VPS13C: variants seen among roughly 807,000 people sequenced by gnomAD.
VPS13C encodes the protein intermembrane lipid transfer protein VPS13C.
VPS13C carries 358 observed loss-of-function variants against 456.8 expected under a neutral mutation model. The observed-to-expected ratio is 0.78, with a 90% CI of 0.72 to 0.86. VPS13C has a LOEUF of 0.86. Among genes scored for constraint, VPS13C ranks in the 40% least tolerant of loss-of-function variants. The probability of loss-of-function intolerance (pLI) is 0.00; values close to 1 mark genes in which losing one functional copy is unlikely to be tolerated. For synonymous variants in VPS13C, 1,578 were observed against 1,486.7 expected (o/e 1.06, Z -1.41); for missense variants, 4,818 against 4,385.4 (o/e 1.10, Z -2.79).
rs776985058 is a variant in VPS13C, at chr15:61,966,157, A to C, written c.2992-15T>G. 1.1e-5 allele frequency: 17 copies of C among 1,592,012 alleles called. No homozygotes were observed. Among genetic ancestry groups the C allele is most frequent in the South Asian group, 2.3e-5 (2 of 87,054 alleles). On this transcript the variant is annotated splice_polypyrimidine_tract_variant and intron_variant, in intron 29 of 84. Transcript: ENST00000644861. Reference sequence around the variant, plus strand: ...TTCTTATCAGCCTGAAAAAAGAAGTAAAAGTTCTAAAGAAGGTACTAGGAT... The same window carrying C: ...TTCTTATCAGCCTGAAAAAAGAAGTCAAAGTTCTAAAGAAGGTACTAGGAT...
intron 3 of VPS13C, among the ~76,000 whole-genome samples, chr15:62,038,735 C>A (rs1437006304): frequency 6.6e-6 from 1 of 151,966 alleles, no homozygotes; most frequent in Non-Finnish European, 1.5e-5. Flanking sequence ...CCAGAATCTA[C>A]AAGGAACTCA....
intron 1 of VPS13C, among the ~76,000 whole-genome samples, chr15:62,049,684 A>T (rs2048555198): frequency 6.6e-6 from 1 of 152,162 alleles, no homozygotes; most frequent in Non-Finnish European, 1.5e-5. Flanking sequence ...ACTATAAATT[A>T]CCTTGGGCAG....
chr15:61,958,615 T>C lies in VPS13C; in HGVS notation c.4158A>G (p.Gln1386=). The C allele has an allele frequency of 3.8e-6, 6 of 1,564,222 alleles. No homozygotes were observed. The highest frequency in any genetic ancestry group is 5.2e-6 in the Non-Finnish European group (6 of 1,153,980). The change falls in exon 37 of 85, where the codon CAA becomes CAG. Residue 1386 remains glutamine, a synonymous_variant. Transcript: ENST00000644861. ...TTACTGTCAGCCTCTTACCTGTCTC[T>C]TGTACTCTTGGTTTCACTTTATCCA... The part of the protein sequence containing the change: ...EDLDKVKPRV[Q]ETGEIKEPLE...
At chr15:61,902,303 T>TA (rs35632772) in intron 66 of VPS13C, among the ~76,000 whole-genome samples, 77,980 of 148,142 alleles carry the variant, frequency 0.53, 20,881 homozygotes, top group Admixed American at 0.61. Flanking sequence ...TAAAAGTGTT[T>TA]AAAAAAAAAT....
chr15:62,019,458 T>C (rs186856866), intron 9 of VPS13C, among the ~76,000 whole-genome samples: 2 of 152,038 alleles, frequency 1.3e-5, no homozygotes, highest in African/African-American at 4.8e-5. Context: ...ACACTGCTTT[T>C]AATGTGTCCC....
chr15:61,909,175 CT>C, intron 64 of VPS13C, 50 bp from the exon 65 acceptor site: 1 of 1,593,752 alleles, frequency 6.3e-7, no homozygotes, highest in South Asian at 1.1e-5. Context: ...TTAATCTACA[CT>C]TACATATGGA....
intron 5 of VPS13C, among the ~76,000 whole-genome samples, chr15:62,031,932 C>T (rs2047833618): frequency 6.6e-6 from 1 of 151,734 alleles, no homozygotes; most frequent in Admixed American, 6.6e-5. Flanking sequence ...CTATATACCA[C>T]GACTTTTCTT....
intron 24 of VPS13C, among the ~76,000 whole-genome samples, chr15:61,974,813 C>T (rs2045655917): frequency 6.6e-6 from 1 of 152,150 alleles, no homozygotes. Flanking sequence ...TAGCACTTGG[C>T]AGCACCTGAC....
intron 48 of VPS13C, 103 bp downstream of exon 48, chr15:61,936,494 T>C: frequency 2.6e-6 from 3 of 1,160,892 alleles, no homozygotes; most frequent in Non-Finnish European, 1.1e-6. Context: ...CAATACTGAA[T>C]TAGTTCATAC....
rs548532612 is a variant in VPS13C at position 62,017,796 on chromosome 15, A to G, written c.684+2683T>C. Among the ~76,000 whole-genome samples, 857 of 152,252 alleles carry G rather than the reference A, an allele frequency of 5.6e-3. 9 individuals are homozygous for G. Among genetic ancestry groups the G allele is most frequent in the Middle Eastern group, 0.014 (4 of 294 alleles). On this transcript the variant is annotated intron_variant, in intron 9 of 84. Coordinates refer to ENST00000644861, the MANE Select transcript of VPS13C (RefSeq NM_020821.3). ...TCTTTTTTGGTTCCATACGAACTTT[A>G]AAGTAGTTTTTTCCAATTCTGTGAA...
chr15:61,992,167 A>C (rs2046243204), intron 16 of VPS13C, among the ~76,000 whole-genome samples: 1 of 152,180 alleles, frequency 6.6e-6, no homozygotes, highest in African/African-American at 2.4e-5. Flanking sequence ...AAGGAAACAC[A>C]CCCAAAAAAG....
At chr15:62,019,855 G>A (rs1054218143) in intron 9 of VPS13C, among the ~76,000 whole-genome samples, 13 of 151,182 alleles carry the variant, frequency 8.6e-5, no homozygotes, top group African/African-American at 2.9e-4. Context: ...AACTTTAAAA[G>A]TATCTAAGTG....
At chr15:61,942,328 G>C (rs2044457281) in intron 45 of VPS13C, among the ~76,000 whole-genome samples, 1 of 150,818 alleles carries the variant, frequency 6.6e-6, no homozygotes, top group South Asian at 2.1e-4. Context: ...TAAAATAATT[G>C]AGAATTATTT....
At chr15:61,894,320 AG>A (rs1223088082) in intron 66 of VPS13C, among the ~76,000 whole-genome samples, 2 of 150,584 alleles carry the variant, frequency 1.3e-5, no homozygotes, top group Non-Finnish European at 2.9e-5. Context: ...AACAAAAAGC[AG>A]AAAAAAAAAA....
intron 3 of VPS13C, among the ~76,000 whole-genome samples, chr15:62,038,756 C>G (rs2048146379): frequency 6.6e-6 from 1 of 151,648 alleles, no homozygotes; most frequent in African/African-American, 2.4e-5. Flanking sequence ...AACAACTGAA[C>G]AAGAAAAAAA....
intron 27 of VPS13C, among the ~76,000 whole-genome samples, chr15:61,972,128 T>TA (rs1555431584): frequency 6.6e-6 from 1 of 152,196 alleles, no homozygotes; most frequent in Non-Finnish European, 1.5e-5. Flanking sequence ...TCTTTGGTAT[T>TA]ATAATCTTTT....
At chr15:62,033,372 C>T (rs1293437146) in intron 5 of VPS13C, 69 bp downstream of exon 5, 29 of 970,646 alleles carry the variant, frequency 3.0e-5, no homozygotes, top group Non-Finnish European at 4.0e-5. Flanking sequence ...CAAAAGCATC[C>T]TCTTTAAAGG....
chr15:61,881,152 C>T (rs1895821260), intron 71 of VPS13C, among the ~76,000 whole-genome samples, 198 bp from the exon 72 acceptor site: 1 of 152,042 alleles, frequency 6.6e-6, no homozygotes, highest in Non-Finnish European at 1.5e-5. Flanking sequence ...AATACTGCTG[C>T]ATTAACACTT....
chr15:61,872,813 T>C (rs894689703), intron 78 of VPS13C, among the ~76,000 whole-genome samples: 2 of 152,088 alleles, frequency 1.3e-5, no homozygotes, highest in African/African-American at 4.8e-5. Flanking sequence ...ACCTATATAA[T>C]TAAGCAGTAT....
Sources: allele counts gnomAD v4.1 joint callset (sites outside exome capture counted in the v4.1 genomes callset), GRCh38; gene constraint gnomAD v4.1.1; transcripts MANE v1.5; gene names NCBI Gene and HGNC (gene_info 2026-07-23, HGNC 2026-07-21).